SETBP1: variants seen among roughly 807,000 people sequenced by gnomAD.
SETBP1 encodes the protein SET binding protein 1.
Under a neutral mutation model 101.0 loss-of-function variants are expected in SETBP1, and 9 were observed. The ratio of observed to expected loss-of-function variants is 0.09; its 90% confidence interval spans 0.05 to 0.16. SETBP1 has a LOEUF of 0.16. SETBP1 is among the 10% of genes least tolerant of loss of function. The pLI is 1.00. For synonymous variants in SETBP1, 818 were observed against 788.5 expected (o/e 1.04, Z -0.63); for missense variants, 1,858 against 2,033.8 (o/e 0.91, Z 1.66).
intron 4 of SETBP1, among the ~76,000 whole-genome samples, chr18:45,033,548 A>G (rs944520233): frequency 3.3e-5 from 5 of 152,248 alleles, no homozygotes; most frequent in Admixed American, 2.6e-4. Flanking sequence ...GGAGCCAGGA[A>G]GATGACTAAA....
chr18:44,915,193 A>T (rs1221400380), intron 3 of SETBP1, among the ~76,000 whole-genome samples: 1 of 152,158 alleles, frequency 6.6e-6, no homozygotes, highest in African/African-American at 2.4e-5. Flanking sequence ...TGCTCACTGC[A>T]TTTCCCCTCA....
At chr18:45,051,857 T>C (rs796490195) in intron 5 of SETBP1, among the ~76,000 whole-genome samples, 15 of 152,356 alleles carry the variant, frequency 9.8e-5, no homozygotes, top group African/African-American at 3.6e-4. Flanking sequence ...CAGTACTTGG[T>C]TCTGAGAGAC....
chr18:44,833,248 A>T (rs183710284), intron 2 of SETBP1, among the ~76,000 whole-genome samples: 13 of 152,298 alleles, frequency 8.5e-5, no homozygotes, highest in Admixed American at 7.8e-4. Flanking sequence ...TTTCTGACAC[A>T]TGTTCAAGTT....
At chr18:44,725,742 C>A (rs917049243) in intron 2 of SETBP1, among the ~76,000 whole-genome samples, 1 of 152,092 alleles carries the variant, frequency 6.6e-6, no homozygotes, top group African/African-American at 2.4e-5. Flanking sequence ...GACTTCCCAG[C>A]GGCTCTGGGT....
At chr18:45,051,619 C>T (rs1362787756) in intron 5 of SETBP1, among the ~76,000 whole-genome samples, 1 of 152,134 alleles carries the variant, frequency 6.6e-6, no homozygotes, top group Non-Finnish European at 1.5e-5. Context: ...ATTCCTTCCC[C>T]CGCTTCTCTC....
At chr18:45,050,214 A>G (rs1042876263) in intron 5 of SETBP1, among the ~76,000 whole-genome samples, 1 of 152,256 alleles carries the variant, frequency 6.6e-6, no homozygotes, top group Non-Finnish European at 1.5e-5. Flanking sequence ...TGAGGGCAAG[A>G]GCAATGCATT....
chr18:45,062,834 A>G lies in SETBP1; in HGVS notation c.4172-245A>G, dbSNP rs532168991. ...CAACGGAAGCAACAATATTTCACAT[A>G]ATTGTTGGGAGGACTGAAATCATGT... is the stretch of plus-strand genomic sequence containing the variant. On this transcript the variant is annotated intron_variant, in intron 5 of 5. Coordinates refer to ENST00000649279, the MANE Select transcript of SETBP1 (RefSeq NM_015559.3). Among the ~76,000 whole-genome samples, 4 of 152,296 alleles carry G rather than the reference A, an allele frequency of 2.6e-5. No homozygotes were observed. In the East Asian group the frequency reaches 7.7e-4, roughly 29 times the overall value.
intron 4 of SETBP1, among the ~76,000 whole-genome samples, chr18:45,011,896 C>A (rs546218171): frequency 6.6e-6 from 1 of 152,114 alleles, no homozygotes; most frequent in East Asian, 1.9e-4. Context: ...GACTTTGTAC[C>A]TGGTAGCTCT....
intron 2 of SETBP1, among the ~76,000 whole-genome samples, chr18:44,769,153 A>G (rs1421393625): frequency 6.6e-6 from 1 of 152,240 alleles, no homozygotes; most frequent in Non-Finnish European, 1.5e-5. Context: ...AGGAACTCTC[A>G]TCTACAATGA....
chr18:44,843,442 G>A (rs541397156), intron 2 of SETBP1, among the ~76,000 whole-genome samples: 1 of 152,174 alleles, frequency 6.6e-6, no homozygotes, highest in East Asian at 1.9e-4. Flanking sequence ...GCCCTCACAG[G>A]ACTTGTGTGA....
At chr18:44,962,643 A>C (rs1156406975) in intron 4 of SETBP1, among the ~76,000 whole-genome samples, 2 of 152,230 alleles carry the variant, frequency 1.3e-5, no homozygotes, top group Non-Finnish European at 2.9e-5. Flanking sequence ...AGAAACCCCA[A>C]AACTAACTAT....
At chr18:45,009,773 A>G (rs1305806379) in intron 4 of SETBP1, among the ~76,000 whole-genome samples, 1 of 152,100 alleles carries the variant, frequency 6.6e-6, no homozygotes, top group Non-Finnish European at 1.5e-5. Flanking sequence ...TCAGAGAGTG[A>G]CCTGCATTGT....
At chr18:44,887,063 T>A (rs994638968) in intron 3 of SETBP1, among the ~76,000 whole-genome samples, 5 of 152,084 alleles carry the variant, frequency 3.3e-5, no homozygotes. Flanking sequence ...TAGAATTGGT[T>A]CTAAAATCGT....
intron 3 of SETBP1, among the ~76,000 whole-genome samples, chr18:44,910,097 C>T (rs576085778): frequency 9.9e-5 from 15 of 152,280 alleles, no homozygotes; most frequent in African/African-American, 1.7e-4. Context: ...GAGAACTGCC[C>T]GCCGTCTGGG....
chr18:44,776,563 G>C (rs1021362431), intron 2 of SETBP1, among the ~76,000 whole-genome samples: 3 of 152,314 alleles, frequency 2.0e-5, no homozygotes, highest in East Asian at 1.9e-4. Flanking sequence ...CAATTGGAAA[G>C]TGTGTGTTAA....
intron 3 of SETBP1, among the ~76,000 whole-genome samples, chr18:44,876,202 G>A (rs929360252): frequency 1.3e-5 from 2 of 152,162 alleles, no homozygotes; most frequent in Admixed American, 6.6e-5. Context: ...TGAGACAGAG[G>A]TAGGCAGGGC....
intron 5 of SETBP1, among the ~76,000 whole-genome samples, chr18:45,058,905 G>A (rs778072570): frequency 6.6e-6 from 1 of 152,186 alleles, no homozygotes; most frequent in Non-Finnish European, 1.5e-5. Context: ...GCAGCTACAA[G>A]CTAAGCCTTC....
chr18:44,888,344 C>T (rs561080685), intron 3 of SETBP1, among the ~76,000 whole-genome samples: 2 of 152,224 alleles, frequency 1.3e-5, no homozygotes, highest in African/African-American at 4.8e-5. Context: ...ACTTTTAGAG[C>T]ACACACAGCC....
intron 4 of SETBP1, among the ~76,000 whole-genome samples, chr18:44,984,817 G>C (rs1305719401): frequency 6.6e-6 from 1 of 152,156 alleles, no homozygotes; most frequent in Non-Finnish European, 1.5e-5. Flanking sequence ...TGCAGAGAAG[G>C]CACGAATTTT....
Sources: allele counts gnomAD v4.1 joint callset (sites outside exome capture counted in the v4.1 genomes callset), GRCh38; gene constraint gnomAD v4.1.1; transcripts MANE v1.5; gene names NCBI Gene and HGNC (gene_info 2026-07-23, HGNC 2026-07-21).